GCN1: variants seen among roughly 807,000 people sequenced by gnomAD.
The protein encoded by GCN1 is GCN1 activator of EIF2AK4, also known as stalled ribosome sensor GCN1.
Under a neutral mutation model 288.4 loss-of-function variants are expected in GCN1, and 90 were observed. The observed-to-expected ratio is 0.31, with a 90% CI of 0.26 to 0.37. The LOEUF (loss-of-function observed/expected upper bound fraction) is 0.37, where lower values mean the gene tolerates loss of function less well. Among genes scored for constraint, GCN1 ranks in the 10% least tolerant of loss-of-function variants. GCN1 has a pLI of 1.00. For synonymous variants in GCN1, 1,386 were observed against 1,420.2 expected, an observed-to-expected ratio of 0.98 and a Z score of 0.54; for missense variants, 2,586 against 3,419.9, an observed-to-expected ratio of 0.76 and a Z score of 6.08.
rs376080948 is a variant in GCN1 at position 120,153,421 on chromosome 12, C to T, written c.3868-14G>A. The stretch of plus-strand genomic sequence containing the variant: ...GTTGACGTTCTCCTGGAAAGCCAAA[C>T]CCCTCAGAGCCTCAGGTCAACCCTA... On this transcript the variant is annotated splice_polypyrimidine_tract_variant and intron_variant, in intron 32 of 57. Transcript: ENST00000300648. This position sits in a 1 kb window ranked among gnomAD's most constrained non-coding sequence, Gnocchi z 4.4. 83 of 1,611,806 alleles carry T rather than the reference C, an allele frequency of 5.1e-5. No individual in the cohort carries two copies. The highest frequency in any genetic ancestry group is 6.4e-5 in the Non-Finnish European group (75 of 1,178,814).
chr12:120,129,559 A>C, intron 56 of GCN1, 65 bp from the exon 57 acceptor site: 1 of 1,189,910 alleles, frequency 8.4e-7, no homozygotes, highest in Non-Finnish European at 1.3e-6. Flanking sequence ...AGCAGCCCAA[A>C]TGCCCAGCCT....
chr12:120,154,909 C>T, intron 31 of GCN1, 61 bp downstream of exon 31: 2 of 1,470,298 alleles, frequency 1.4e-6, no homozygotes, highest in Non-Finnish European at 1.9e-6. Flanking sequence ...CAGCACCCAC[C>T]CAGCCAACCT....
chr12:120,157,114 C>G (rs1383595294), intron 26 of GCN1, 122 bp from the exon 27 acceptor site: 6 of 650,214 alleles, frequency 9.2e-6, no homozygotes, highest in South Asian at 8.7e-5. Flanking sequence ...CCGGCCCCAC[C>G]ACAGAAACCT....
At chr12:120,148,522 G>T (rs1295493388) in intron 36 of GCN1, among the ~76,000 whole-genome samples, 176 bp from the exon 37 acceptor site, 1 of 152,196 alleles carries the variant, frequency 6.6e-6, no homozygotes, top group Non-Finnish European at 1.5e-5. Context: ...AAAAGCTCTT[G>T]TGGCCTGCTG....
intron 9 of GCN1, 68 bp from the exon 10 acceptor site, chr12:120,176,285 C>A: frequency 9.5e-7 from 1 of 1,049,484 alleles, no homozygotes; most frequent in Non-Finnish European, 1.5e-6. Flanking sequence ...TTTTGTTCCC[C>A]TACTCCCCAG....
chr12:120,164,619 A>G, intron 17 of GCN1, 27 bp downstream of exon 17: 1 of 1,609,610 alleles, frequency 6.2e-7, no homozygotes, highest in Non-Finnish European at 8.5e-7. Context: ...TTTGGCCCAA[A>G]AGAAAAGGTA....
At chr12:120,138,505 T>TCC in intron 46 of GCN1, 90 bp from the exon 47 acceptor site, 1 of 1,030,350 alleles carries the variant, frequency 9.7e-7, no homozygotes, top group East Asian at 2.4e-5. Context: ...CTTGTTTCCC[T>TCC]CCCTCCTGTT....
At chr12:120,179,094 C>T (rs1878569399) in intron 5 of GCN1, 144 bp from the exon 6 acceptor site, 3 of 650,398 alleles carry the variant, frequency 4.6e-6, no homozygotes, top group Non-Finnish European at 8.2e-6. Context: ...CTCCAGCCAG[C>T]TCCTCTTCCC....
chr12:120,179,241 T>C (rs949208639), intron 5 of GCN1, among the ~76,000 whole-genome samples: 1 of 152,042 alleles, frequency 6.6e-6, no homozygotes, highest in Non-Finnish European at 1.5e-5. Flanking sequence ...GTCCCTGCTT[T>C]TTTTTTTTAA....
chr12:120,165,942 C>T (rs1878108516), intron 16 of GCN1, among the ~76,000 whole-genome samples: 1 of 151,896 alleles, frequency 6.6e-6, no homozygotes, highest in Admixed American at 6.6e-5. Context: ...CAGGCACCTG[C>T]TACCACGCCC....
At chr12:120,193,367 G>A (rs1879068544) in intron 1 of GCN1, among the ~76,000 whole-genome samples, 1 of 152,020 alleles carries the variant, frequency 6.6e-6, no homozygotes, top group Admixed American at 6.5e-5. Context: ...GCGCAGTGGT[G>A]CGATCTCAGC....
rs1877921367 is a variant in GCN1, at chr12:120,161,419, G to C, written c.2436+71C>G. 8 of 947,994 alleles carry C rather than the reference G, an allele frequency of 8.4e-6. No individual in the cohort carries two copies. The Admixed American group carries it at 1.4e-4, about 16-fold the overall frequency. 58.7% of individuals were successfully genotyped at this position (947,994 alleles called of 1,614,324 possible). On this transcript the variant is annotated intron_variant, in intron 22 of 57. Coordinates refer to ENST00000300648, the MANE Select transcript of GCN1 (RefSeq NM_006836.2). ...GTTCCAAGTGAACAGCATATGTGCA[G>C]TGGGAAAAGCCACCAGCTTGAGGCC...
At position 120,194,649 on chromosome 12, in the gene GCN1, G is replaced by A. The variant is rs536538657; in HGVS notation, c.18+31C>T. 420 of 1,512,854 alleles carry A rather than the reference G, an allele frequency of 2.8e-4. 6 individuals carry two copies. In the South Asian group the frequency reaches 3.8e-3, roughly 14 times the overall value. 93.7% of individuals were successfully genotyped at this position (1,512,854 alleles called of 1,614,324 possible). On this transcript the variant is annotated intron_variant, in intron 1 of 57. Transcript: ENST00000300648. ...GGCCACCGTCCGCACCCAGTCCCTG[G>A]CCGCGTTGGCCCCGCAGCCGCCCGC... is the stretch of plus-strand genomic sequence containing the variant.
Position 120,137,386 on chromosome 12 carries a change from G to A in GCN1, c.6664-67C>T. On this transcript the variant is annotated intron_variant, in intron 49 of 57. Transcript: ENST00000300648. This position sits in a 1 kb window ranked among gnomAD's most constrained non-coding sequence, Gnocchi z 5.2. ...TCAAGACTGCTTCCAAAGAATATAT[G>A]GGGAAAGCGTGGGCGGGAGTATAAA... 1 of 1,457,870 alleles carries A rather than the reference G, an allele frequency of 6.9e-7. No individual in the cohort carries two copies. The highest frequency in any genetic ancestry group is 9.6e-7 in the Non-Finnish European group (1 of 1,040,676). 90.3% of individuals were successfully genotyped at this position (1,457,870 alleles called of 1,614,324 possible).
At chr12:120,150,868 C>T (rs1438010356) in intron 34 of GCN1, among the ~76,000 whole-genome samples, 3 of 151,694 alleles carry the variant, frequency 2.0e-5, no homozygotes, top group African/African-American at 7.3e-5. Flanking sequence ...ACCCAGGAGG[C>T]TGAGCTTGCA....
rs201908806 is a variant in GCN1, at chr12:120,153,378, G to A, written c.3897C>T (p.Phe1299=). Residue 1299 remains phenylalanine, a synonymous_variant, in exon 33 of 58, where the codon TTC becomes TTT. Coordinates refer to ENST00000300648, the MANE Select transcript of GCN1 (RefSeq NM_006836.2). The surrounding 1 kb of genome is among the most constrained non-coding windows in gnomAD (Gnocchi z 4.4). The part of the protein sequence containing the change: ...KENVNSLLPV[F]EEFLKNAPND... Reference sequence around the variant, plus strand: ...TGGGCGCGTTCTTCAGGAACTCCTCGAATACTGGCAACAGCGAGTTGACGT... The same window carrying A: ...TGGGCGCGTTCTTCAGGAACTCCTCAAATACTGGCAACAGCGAGTTGACGT... The A allele has an allele frequency of 6.8e-5, 110 of 1,614,102 alleles. 1 individual carries two copies. The Middle Eastern group carries it at 8.2e-4, about 12-fold the overall frequency.
At chr12:120,149,421 C>T (rs2269942) in intron 36 of GCN1, among the ~76,000 whole-genome samples, 185 bp downstream of exon 36, 22,342 of 151,954 alleles carry the variant, frequency 0.15, 1,929 homozygotes, top group East Asian at 0.44. Flanking sequence ...GTTTGAGCCC[C>T]AAAGGTAAAG....
chr12:120,152,675 AATAT>A (rs559375182), intron 33 of GCN1, among the ~76,000 whole-genome samples: 2 of 140,580 alleles, frequency 1.4e-5, no homozygotes, highest in Admixed American at 7.3e-5. Context: ...TATATATATA[AATAT>A]ATATATATTT....
At chr12:120,172,756 G>A (rs1163614951) in intron 14 of GCN1, among the ~76,000 whole-genome samples, 3 of 152,130 alleles carry the variant, frequency 2.0e-5, no homozygotes, top group Non-Finnish European at 2.9e-5. Flanking sequence ...TGATCCAACC[G>A]CCTCGGCCTC....
Sources: gnomAD v4.1 joint callset for allele counts (sites outside exome capture counted in the v4.1 genomes callset) on GRCh38, gnomAD v4.1.1 for gene constraint, Gnocchi (gnomAD v3.1) non-coding constraint, MANE v1.5 for transcripts, NCBI Gene and HGNC (gene_info 2026-07-23, HGNC 2026-07-21) for gene names.